Variants in ST8SIA6 observed in about 807,000 individuals in gnomAD.
ST8SIA6 encodes alpha-2,8-sialyltransferase 8F.
ST8SIA6 carries 39 observed loss-of-function variants against 33.6 expected under a neutral mutation model. The ratio of observed to expected loss-of-function variants is 1.16; its 90% CI spans 0.90 to 1.52. The LOEUF is 1.52. ST8SIA6 is among the 40% of genes most tolerant of loss of function. The probability of loss-of-function intolerance (pLI) is 0.00; values close to 1 mark genes in which losing one functional copy is unlikely to be tolerated. For synonymous variants in ST8SIA6, 172 were observed against 167.2 expected, an observed-to-expected ratio of 1.03 and a Z score of -0.22; for missense variants, 441 against 443.8, an observed-to-expected ratio of 0.99 and a Z score of 0.06.
chr10:17,429,240 T>A (rs569210972), intron 2 of ST8SIA6, among the ~76,000 whole-genome samples: 1 of 152,142 alleles, frequency 6.6e-6, no homozygotes, highest in South Asian at 2.1e-4. Context: ...ATATAATAGA[T>A]CATCACCACG....
intron 3 of ST8SIA6, among the ~76,000 whole-genome samples, chr10:17,360,315 G>T (rs1022634700): frequency 6.6e-6 from 1 of 152,174 alleles, no homozygotes; most frequent in Admixed American, 6.5e-5. Context: ...TTCATTAGTT[G>T]CCAGGTATTA....
At chr10:17,348,253 C>A in intron 4 of ST8SIA6, among the ~76,000 whole-genome samples, 1 of 137,852 alleles carries the variant, frequency 7.3e-6, no homozygotes. Context: ...ACTTTGGCAA[C>A]ATATTGAGAG....
intron 2 of ST8SIA6, among the ~76,000 whole-genome samples, chr10:17,423,063 T>C (rs1851827508): frequency 6.6e-6 from 1 of 152,198 alleles, no homozygotes; most frequent in Non-Finnish European, 1.5e-5. Flanking sequence ...TTCATTTGGC[T>C]GCACCGGAGC....
chr10:17,442,481 T>C (rs1393992793), intron 2 of ST8SIA6, among the ~76,000 whole-genome samples: 1 of 152,262 alleles, frequency 6.6e-6, no homozygotes, highest in African/African-American at 2.4e-5. Context: ...AGATGCATTT[T>C]TTAAAATCAT....
chr10:17,346,373 G>C (rs1367784197), intron 4 of ST8SIA6, among the ~76,000 whole-genome samples: 2 of 152,168 alleles, frequency 1.3e-5, no homozygotes, highest in Non-Finnish European at 2.9e-5. Context: ...TTGCTGAGGT[G>C]GCAGGATCGC....
chr10:17,346,017 G>A (rs951985628), intron 4 of ST8SIA6, among the ~76,000 whole-genome samples: 3 of 152,210 alleles, frequency 2.0e-5, no homozygotes, highest in East Asian at 3.9e-4. Flanking sequence ...TTTCCAATGC[G>A]AGGTCATAGA....
chr10:17,377,911 A>C (rs965390443), intron 3 of ST8SIA6, among the ~76,000 whole-genome samples: 3 of 152,192 alleles, frequency 2.0e-5, no homozygotes, highest in Admixed American at 6.5e-5. Context: ...TGATTATGGA[A>C]CACACAACCC....
At chr10:17,387,560 C>T (rs1321859002) in intron 3 of ST8SIA6, among the ~76,000 whole-genome samples, 1 of 152,034 alleles carries the variant, frequency 6.6e-6, no homozygotes, top group Non-Finnish European at 1.5e-5. Flanking sequence ...AGCCACCGCG[C>T]CGGGCCCAGA....
chr10:17,370,187 G>T (rs1455415381), intron 3 of ST8SIA6, among the ~76,000 whole-genome samples: 1 of 152,040 alleles, frequency 6.6e-6, no homozygotes, highest in Non-Finnish European at 1.5e-5. Flanking sequence ...GTTTCACCAT[G>T]TTAGCCAGGA....
intron 3 of ST8SIA6, among the ~76,000 whole-genome samples, chr10:17,389,817 TG>T (rs1255493220): frequency 1.3e-5 from 2 of 152,104 alleles, no homozygotes; most frequent in Non-Finnish European, 2.9e-5. Flanking sequence ...CATGGTGTTT[TG>T]AGGAGTTTTT....
At chr10:17,401,585 G>T (rs1398764013) in intron 2 of ST8SIA6, among the ~76,000 whole-genome samples, 2 of 152,022 alleles carry the variant, frequency 1.3e-5, no homozygotes, top group African/African-American at 4.8e-5. Flanking sequence ...AAACAAAGAT[G>T]GAGACCAATG....
intron 4 of ST8SIA6, among the ~76,000 whole-genome samples, chr10:17,354,156 C>G (rs965973435): frequency 6.6e-6 from 1 of 152,152 alleles, no homozygotes; most frequent in Admixed American, 6.6e-5. Context: ...GTTTCCAGAG[C>G]TTCACAAAGA....
intron 3 of ST8SIA6, among the ~76,000 whole-genome samples, chr10:17,359,811 CAT>C (rs779360934): frequency 3.9e-5 from 6 of 152,048 alleles, no homozygotes; most frequent in African/African-American, 9.7e-5. Context: ...ATAATTTGCA[CAT>C]GTCATAAGCC....
chr10:17,393,698 T>A (rs929769129), intron 2 of ST8SIA6, among the ~76,000 whole-genome samples: 3 of 152,158 alleles, frequency 2.0e-5, no homozygotes, highest in Non-Finnish European at 4.4e-5. Context: ...GAGGCAAGAC[T>A]GACAGGACTT....
chr10:17,394,969 G>T (rs1370573984), intron 2 of ST8SIA6, among the ~76,000 whole-genome samples: 1 of 152,168 alleles, frequency 6.6e-6, no homozygotes, highest in African/African-American at 2.4e-5. Context: ...AAGGATTACT[G>T]GGTGATGTGG....
intron 2 of ST8SIA6, among the ~76,000 whole-genome samples, chr10:17,449,097 T>C (rs1852825162): frequency 6.7e-6 from 1 of 150,180 alleles, no homozygotes; most frequent in African/African-American, 2.5e-5. Context: ...TAAACATATA[T>C]AGAAACTGAA....
At chr10:17,391,422 G>T (rs1050279257) in intron 2 of ST8SIA6, among the ~76,000 whole-genome samples, 1 of 151,784 alleles carries the variant, frequency 6.6e-6, no homozygotes, top group African/African-American at 2.4e-5. Context: ...CACCATGCCC[G>T]GCTAATTTTT....
At chr10:17,323,548 A>G (rs974995555) in intron 6 of ST8SIA6, among the ~76,000 whole-genome samples, 3 of 151,636 alleles carry the variant, frequency 2.0e-5, no homozygotes, top group Non-Finnish European at 2.9e-5. Context: ...GCATGCACCA[A>G]GCGAATTTGT....
Position 17,454,226 on chromosome 10 carries a change from C to T in ST8SIA6, c.30G>A (p.Leu10=). The stretch of plus-strand genomic sequence containing the variant: ...GCAGCAGCAGCAGCAGGCTGGCGAG[C>T]AGGGCGAGCAGTGCGCCCCCCGGCC... The part of the protein sequence containing the change: MRPGGALLA[L]LASLLLLLLL... Residue 10 remains leucine (L), a synonymous_variant, in exon 1 of 8, where the codon CTG becomes CTA. Transcript: ENST00000377602. The surrounding 1 kb of genome is among the most constrained non-coding windows in gnomAD (Gnocchi z 4.1). 3.8e-6 allele frequency: 1 copy of T among 261,430 alleles called. No individual in the cohort carries two copies. Among genetic ancestry groups the T allele is most frequent in the Non-Finnish European group, 7.1e-6 (1 of 140,680 alleles). The allele number at this position is 261,430 out of a possible 1,614,324, so 16.2% of individuals were successfully genotyped here.
Sources: allele counts gnomAD v4.1 joint callset (sites outside exome capture counted in the v4.1 genomes callset), GRCh38; gene constraint gnomAD v4.1.1; non-coding constraint Gnocchi (gnomAD v3.1); transcripts MANE v1.5; gene names NCBI Gene and HGNC (gene_info 2026-07-23, HGNC 2026-07-21).